Variants in TJP1 observed in about 807,000 individuals in gnomAD.
TJP1 encodes tight junction protein ZO-1.
TJP1 carries 43 observed loss-of-function variants against 194.2 expected under a neutral mutation model. The observed-to-expected ratio is 0.22, with a 90% CI of 0.17 to 0.29. The LOEUF (loss-of-function observed/expected upper bound fraction) is 0.29. Ranked by LOEUF, TJP1 falls within the 10% of genes least tolerant of loss-of-function variation. The pLI is 1.00. For missense variants in TJP1, 1,971 were observed against 2,185.7 expected (o/e 0.90, Z 1.96); for synonymous variants, 801 against 779.0 (o/e 1.03, Z -0.47).
chr15:29,775,578 G>A (rs1228765471), intron 2 of TJP1, among the ~76,000 whole-genome samples: 1 of 151,646 alleles, frequency 6.6e-6, no homozygotes, highest in African/African-American at 2.4e-5. Context: ...CAAGAATTCA[G>A]GCATCCACTG....
chr15:29,741,198 T>C, intron 10 of TJP1, 133 bp downstream of exon 10: 1 of 658,202 alleles, frequency 1.5e-6, no homozygotes, highest in Non-Finnish European at 2.5e-6. Context: ...ATGTTAAATA[T>C]AAAAATAATC....
rs1249158702 is a variant in TJP1, at chr15:29,729,233, G to A, written c.2018-1214C>T. On this transcript the variant is annotated intron_variant, in intron 15 of 27. Transcript: ENST00000614355. ...GAGAATCGCTTGAACCCAGGAGGCG[G>A]AGGTTGCAGTGAGCTGAGATTGCGT... 2.0e-5 allele frequency: 3 copies of A among 152,198 alleles called. No individual in the cohort carries two copies. In the East Asian group the frequency reaches 5.8e-4, roughly 30 times the overall value. 9.4% of individuals were successfully genotyped at this position (152,198 alleles called of 1,614,324 possible).
At chr15:29,717,063 C>T (rs1401234877) in intron 22 of TJP1, among the ~76,000 whole-genome samples, 1 of 152,142 alleles carries the variant, frequency 6.6e-6, no homozygotes, top group African/African-American at 2.4e-5. Context: ...TCCTTTAACA[C>T]AATATAATAA....
chr15:29,934,299 C>T (rs11856975), intron 2 of TJP1, among the ~76,000 whole-genome samples: 8,919 of 152,246 alleles, frequency 0.059, 776 homozygotes, highest in African/African-American at 0.19. Flanking sequence ...TGTTTCTGTG[C>T]TACATGGTCA....
At chr15:29,877,474 G>C (rs1361958568) in intron 2 of TJP1, among the ~76,000 whole-genome samples, 1 of 152,014 alleles carries the variant, frequency 6.6e-6, no homozygotes, top group African/African-American at 2.4e-5. Context: ...CACCGCCTTG[G>C]CCTCCCAAAG....
intron 2 of TJP1, among the ~76,000 whole-genome samples, chr15:29,935,861 C>G (rs545482854): frequency 3.3e-5 from 5 of 152,256 alleles, no homozygotes; most frequent in African/African-American, 1.2e-4. Context: ...GCAGTGCCAG[C>G]TCTCCACTGC....
chr15:29,957,384 C>T (rs1349638586), intron 1 of TJP1, among the ~76,000 whole-genome samples: 1 of 152,146 alleles, frequency 6.6e-6, no homozygotes, highest in Non-Finnish European at 1.5e-5. Context: ...CCTTTTCTCC[C>T]TCATCCCAAA....
At chr15:29,925,961 A>G (rs1522641) in intron 2 of TJP1, among the ~76,000 whole-genome samples, 141,495 of 152,232 alleles carry the variant, frequency 0.93, 65,906 homozygotes, top group Non-Finnish European at 0.96. Context: ...CCTCTAACCC[A>G]CAGCCACTTT....
intron 2 of TJP1, among the ~76,000 whole-genome samples, chr15:29,891,013 T>G (rs1324625700): frequency 6.6e-6 from 1 of 152,224 alleles, no homozygotes; most frequent in Non-Finnish European, 1.5e-5. Flanking sequence ...GGTACCTTGG[T>G]GCAGGGCCCA....
At chr15:29,831,195 T>G (rs978901433) in intron 2 of TJP1, among the ~76,000 whole-genome samples, 1 of 152,242 alleles carries the variant, frequency 6.6e-6, no homozygotes, top group African/African-American at 2.4e-5. Flanking sequence ...TTATTTCAGA[T>G]AGCCAAATAA....
At chr15:29,728,465 C>T (rs1659407574) in intron 15 of TJP1, 1 of 158,118 alleles carries the variant, frequency 6.3e-6, no homozygotes, top group Admixed American at 6.2e-5. Context: ...GTCCATCAAC[C>T]ATCGGTAATG....
intron 2 of TJP1, among the ~76,000 whole-genome samples, chr15:29,876,283 G>T (rs1016217438): frequency 1.3e-5 from 2 of 152,204 alleles, no homozygotes; most frequent in African/African-American, 2.4e-5. Flanking sequence ...ACTTTGGGAG[G>T]CTGAGGCGTG....
chr15:29,901,535 C>T (rs1363492321), intron 2 of TJP1, among the ~76,000 whole-genome samples: 5 of 152,130 alleles, frequency 3.3e-5, no homozygotes, highest in African/African-American at 9.7e-5. Context: ...ACAAGTGTCA[C>T]GTCTGACTAG....
chr15:29,896,187 G>C (rs1434960874), intron 2 of TJP1, among the ~76,000 whole-genome samples: 1 of 152,196 alleles, frequency 6.6e-6, no homozygotes, highest in Non-Finnish European at 1.5e-5. Flanking sequence ...AACTCCCACA[G>C]TTCCCATGTG....
intron 1 of TJP1, among the ~76,000 whole-genome samples, chr15:29,956,866 A>T (rs2055963477): frequency 6.6e-6 from 1 of 151,226 alleles, no homozygotes; most frequent in Non-Finnish European, 1.5e-5. Context: ...GAGAGATAAG[A>T]GTAAGACCCT....
Position 29,943,929 on chromosome 15 carries a change from C to T in TJP1, c.306+12303G>A, listed in dbSNP as rs577325482. ...TGCCACTGCACTCCAGCCTAGGTGACGGAGCGAGACTCCATCTAAAACAAA... is the reference window on the plus strand; with the variant it reads ...TGCCACTGCACTCCAGCCTAGGTGATGGAGCGAGACTCCATCTAAAACAAA... On this transcript the variant is annotated intron_variant, in intron 2 of 28. Coordinates refer to the TJP1 transcript ENST00000356107. 9.9e-5 allele frequency among the ~76,000 whole-genome samples: 15 copies of T among 151,748 alleles called. No homozygotes were observed. The South Asian group carries it at 1.9e-3, about 19-fold the overall frequency.
chr15:29,710,902 T>C lies in TJP1; in HGVS notation c.4301A>G (p.Gln1434Arg). The change falls in exon 24 of 28, where the codon CAG becomes CGG. Residue 1434 changes from glutamine (Q) to arginine (R), a missense_variant. By Grantham distance (43) the Gln-to-Arg change is conservative. Transcript: ENST00000614355. ...ATPPPPPLPSQYAQPSQPVTS... is the reference protein window; with the variant it reads ...ATPPPPPLPSRYAQPSQPVTS... ...GACAGGCTGAGATGGCTGGGCATAC[T>C]GCGAGGGCAATGGAGGAGGAGGGGG... is the stretch of plus-strand genomic sequence containing the variant. 1 of 1,614,182 alleles carries C rather than the reference T, an allele frequency of 6.2e-7. No individual in the cohort carries two copies. Among genetic ancestry groups the C allele is most frequent in the South Asian group, 1.1e-5 (1 of 91,084 alleles).
At chr15:29,787,880 T>C (rs1042315628) in intron 2 of TJP1, among the ~76,000 whole-genome samples, 5 of 152,224 alleles carry the variant, frequency 3.3e-5, no homozygotes, top group African/African-American at 9.6e-5. Context: ...AATAATTCTA[T>C]GAGGAATTCT....
intron 2 of TJP1, among the ~76,000 whole-genome samples, chr15:29,896,844 G>C (rs1159998334): frequency 1.3e-5 from 2 of 152,094 alleles, no homozygotes; most frequent in African/African-American, 4.8e-5. Context: ...GCTGATTTAG[G>C]GTATCTGGCA....
Sources: allele counts gnomAD v4.1 joint callset (sites outside exome capture counted in the v4.1 genomes callset), GRCh38; gene constraint gnomAD v4.1.1; transcripts MANE v1.5; gene names NCBI Gene and HGNC (gene_info 2026-07-23, HGNC 2026-07-21).